The following CCL26 variants were observed in gnomAD, a reference collection of about 807,000 sequenced individuals.
CCL26 encodes the protein C-C motif chemokine ligand 26, also known as C-C motif chemokine 26.
In CCL26, 10 loss-of-function variants were observed where a neutral mutation model predicts 10.7. The ratio of observed to expected loss-of-function variants is 0.93; its 90% CI spans 0.57 to 1.58. The LOEUF (loss-of-function observed/expected upper bound fraction) is 1.58, where lower values mean the gene tolerates loss of function less well. CCL26 is among the 40% of genes most tolerant of loss of function. CCL26 has a pLI of 0.00. For missense variants in CCL26, 116 were observed against 111.0 expected, an observed-to-expected ratio of 1.05 and a Z score of -0.20; for synonymous variants, 43 against 41.4, an observed-to-expected ratio of 1.04 and a Z score of -0.15.
intron 1 of CCL26, among the ~76,000 whole-genome samples, chr7:75,785,328 T>C (rs1415990775): frequency 6.6e-6 from 1 of 152,108 alleles, no homozygotes; most frequent in Non-Finnish European, 1.5e-5. Context: ...GCCAAGCTCT[T>C]TCCCATGATT....
At chr7:75,769,927 C>G in intron 2 of CCL26, 138 bp from the exon 3 acceptor site, 2 of 607,588 alleles carry the variant, frequency 3.3e-6, no homozygotes, top group East Asian at 5.6e-5. Flanking sequence ...CCTGTCCCCT[C>G]TTCTCCTGGG....
intron 1 of CCL26, among the ~76,000 whole-genome samples, chr7:75,782,034 C>T (rs1382783292): frequency 6.6e-6 from 1 of 152,190 alleles, no homozygotes; most frequent in Admixed American, 6.5e-5. Flanking sequence ...GACTTCTGGT[C>T]CTCAGACCAA....
intron 2 of CCL26, 45 bp downstream of exon 2, chr7:75,771,844 G>C: frequency 8.1e-7 from 1 of 1,239,364 alleles, no homozygotes; most frequent in South Asian, 1.2e-5. Flanking sequence ...CCATCCTGTT[G>C]CATGACTGAT....
intron 2 of CCL26, among the ~76,000 whole-genome samples, chr7:75,771,147 C>T (rs1465885369): frequency 2.6e-5 from 4 of 151,898 alleles, no homozygotes; most frequent in African/African-American, 9.7e-5. Context: ...TGCAGTGGTG[C>T]GATCATACCT....
At chr7:75,772,759 T>A (rs554650826), upstream of CCL26, among the ~76,000 whole-genome samples, 1 of 151,828 alleles carries the variant, frequency 6.6e-6, no homozygotes, top group Non-Finnish European at 1.5e-5. Flanking sequence ...AGAAGAGAAT[T>A]TGGGAGAAGA....
upstream of CCL26, among the ~76,000 whole-genome samples, chr7:75,790,851 G>C (rs1215676737): frequency 6.6e-6 from 1 of 151,306 alleles, no homozygotes; most frequent in Non-Finnish European, 1.5e-5. Context: ...GGCTGAGGCA[G>C]GAGAATAGCT....
rs55770109 is a variant in CCL26, at chr7:75,787,651, CAAAAAAAAAAAAA to C, written c.-79+2053_-79+2065del. ...CAGAGTGAGACTCCGTCTCCAAAAG[CAAAAAAAAAAAAA>C]AAAAAAAAAAGACACACCCCCCAAG... On this transcript the variant is annotated intron_variant, in intron 1 of 3. Coordinates refer to the CCL26 transcript ENST00000394905. 3.1e-3 allele frequency among the ~76,000 whole-genome samples: 87 copies of C among 27,750 alleles called. 1 individual carries two copies. Among genetic ancestry groups the C allele is most frequent in the Middle Eastern group, 0.083 (1 of 12 alleles). 18.2% of individuals were successfully genotyped at this position (27,750 alleles called of 152,430 possible).
At chr7:75,777,702 AGAGT>A (rs1554528928) in intron 1 of CCL26, among the ~76,000 whole-genome samples, 1 of 121,104 alleles carries the variant, frequency 8.3e-6, no homozygotes, top group East Asian at 2.9e-4. Flanking sequence ...ACTACCCAAC[AGAGT>A]GAGATCCTGT....
chr7:75,783,943 T>A (rs1388367930), intron 1 of CCL26, among the ~76,000 whole-genome samples: 1 of 152,158 alleles, frequency 6.6e-6, no homozygotes, highest in Non-Finnish European at 1.5e-5. Flanking sequence ...TATTACCCAA[T>A]CTGCTCCTGA....
At chr7:75,775,774 T>C (rs925880584), upstream of CCL26, among the ~76,000 whole-genome samples, 37 of 152,176 alleles carry the variant, frequency 2.4e-4, no homozygotes, top group African/African-American at 8.2e-4. Flanking sequence ...TACCTGACAG[T>C]ATCCGCTGAA....
At chr7:75,776,609 AAAG>A (rs1802948303), upstream of CCL26, among the ~76,000 whole-genome samples, 3 of 151,882 alleles carry the variant, frequency 2.0e-5, no homozygotes, top group South Asian at 2.1e-4. Flanking sequence ...AGAAAGAAAG[AAAG>A]AAGAAGGAAA....
At chr7:75,779,071 T>C (rs974913283) in intron 1 of CCL26, among the ~76,000 whole-genome samples, 8 of 152,156 alleles carry the variant, frequency 5.3e-5, no homozygotes, top group African/African-American at 9.7e-5. Flanking sequence ...TCTCCTGGCT[T>C]ATCCTGGCTC....
chr7:75,779,205 C>A (rs1325190325), intron 1 of CCL26, among the ~76,000 whole-genome samples: 1 of 152,092 alleles, frequency 6.6e-6, no homozygotes, highest in African/African-American at 2.4e-5. Flanking sequence ...TATCTCCCTT[C>A]GCTGACTCTT....
At position 75,769,651 on chromosome 7, in the gene CCL26, A is replaced by G. The variant is rs1802779196; in HGVS notation, c.*42T>C. Reference sequence around the variant, plus strand: ...AGGCTCCCCAGAGGGCTGCAGAGCCAAGAGCGGGGTCCAAGCGTCCTCGGA... The same window carrying G: ...AGGCTCCCCAGAGGGCTGCAGAGCCGAGAGCGGGGTCCAAGCGTCCTCGGA... On this transcript the variant is annotated 3_prime_UTR_variant, in exon 3 of 3. Coordinates refer to ENST00000005180, the MANE Select transcript of CCL26 (RefSeq NM_001371938.1). 1.2e-5 allele frequency: 16 copies of G among 1,343,618 alleles called. No homozygotes were observed. Among genetic ancestry groups the G allele is most frequent in the Non-Finnish European group, 1.6e-5 (15 of 933,964 alleles). The allele number at this position is 1,343,618 out of a possible 1,614,324, so 83.2% of individuals were successfully genotyped here. A position where few individuals can be genotyped will look rare whatever the true frequency, so the allele number is the denominator to read the frequency against.
intron 1 of CCL26, among the ~76,000 whole-genome samples, chr7:75,782,045 C>T (rs1803076308): frequency 6.6e-6 from 1 of 152,214 alleles, no homozygotes; most frequent in African/African-American, 2.4e-5. Context: ...CTCAGACCAA[C>T]CAGCCCAAGG....
At chr7:75,787,717 T>TAA (rs1374928159) in intron 1 of CCL26, among the ~76,000 whole-genome samples, 1 of 29,530 alleles carries the variant, frequency 3.4e-5, no homozygotes, top group Non-Finnish European at 7.5e-5. Context: ...AAAAAAAAAA[T>TAA]AAAAGGACTC....
intron 1 of CCL26, among the ~76,000 whole-genome samples, chr7:75,785,558 C>T (rs62475539): frequency 0.19 from 28,325 of 152,124 alleles, 3,081 homozygotes; most frequent in East Asian, 0.28. Context: ...CTCTCCCTGT[C>T]GATCATGTCT....
intron 2 of CCL26, among the ~76,000 whole-genome samples, chr7:75,770,213 G>T (rs1802792665): frequency 6.6e-6 from 1 of 151,824 alleles, no homozygotes; most frequent in African/African-American, 2.4e-5. Context: ...GGGATTATAG[G>T]CACGCATCAG....
At position 75,769,785 on chromosome 7, in the gene CCL26, T is replaced by A; in HGVS notation, c.193A>T (p.Thr65Ser). Reference sequence around the variant, plus strand: ...CAGACTTTCTTGCCTCTTTTGGTAGTGAATCTGTGAAAAAGAGACACGGAT... The same window carrying A: ...CAGACTTTCTTGCCTCTTTTGGTAGAGAATCTGTGAAAAAGAGACACGGAT... ...NSCSQRAVIF[T>S]TKRGKKVCTH... The change falls in exon 3 of 3, where the codon ACT becomes TCT. Residue 65 changes from threonine to serine, a missense_variant. Coordinates refer to ENST00000005180, the MANE Select transcript of CCL26 (RefSeq NM_001371938.1). The A allele has an allele frequency of 6.3e-7, 1 of 1,593,666 alleles. No homozygotes were observed. The highest frequency in any genetic ancestry group is 8.6e-7 in the Non-Finnish European group (1 of 1,161,420).
Sources: gnomAD v4.1 joint callset for allele counts (sites outside exome capture counted in the v4.1 genomes callset) on GRCh38, gnomAD v4.1.1 for gene constraint, MANE v1.5 for transcripts, NCBI Gene and HGNC (gene_info 2026-07-23, HGNC 2026-07-21) for gene names.